ZNF461: variants seen among roughly 807,000 people sequenced by gnomAD.
ZNF461 encodes the protein zinc finger protein 461.
A neutral mutation model predicts 18.3 loss-of-function variants in ZNF461; 16 were observed. That is an observed-to-expected ratio of 0.88 (90% confidence interval 0.59 to 1.33). The LOEUF (loss-of-function observed/expected upper bound fraction) is 1.33. Ranked by LOEUF, ZNF461 falls within the 40% of genes most tolerant of loss-of-function variation. The pLI is 0.00. For synonymous variants in ZNF461, 179 were observed against 216.9 expected (o/e 0.83, Z 1.54); for missense variants, 595 against 669.9 (o/e 0.89, Z 1.23).
chr19:36,639,845 AT>A lies in ZNF461; in HGVS notation c.499del (p.Ile167LeufsTer98). 1 of 1,613,934 alleles carries A rather than the reference AT, an allele frequency of 6.2e-7. No individual in the cohort carries two copies. Among genetic ancestry groups the A allele is most frequent in the Non-Finnish European group, 8.5e-7 (1 of 1,179,862 alleles). ...QEEGYFRQLM[I>X]NHENMPIFSQ... ...AAAAATGGGCATGTTTTCATGGTTA[AT>A]CATAAGTTGTCTAAAATAACCCTCC... On this transcript the variant is annotated frameshift_variant, in exon 6 of 6. Coordinates refer to ENST00000588268, the MANE Select transcript of ZNF461 (RefSeq NM_153257.5). LOFTEE classifies it low-confidence loss of function (END_TRUNC).
chr19:36,644,299 C>G (rs186140216), intron 4 of ZNF461, among the ~76,000 whole-genome samples: 28 of 151,664 alleles, frequency 1.8e-4, no homozygotes, highest in African/African-American at 6.5e-4. Context: ...GATGGAGTCT[C>G]GCTCTGTCCC....
At chr19:36,658,663 T>G in intron 2 of ZNF461, 1 of 368,316 alleles carries the variant, frequency 2.7e-6, no homozygotes, top group Non-Finnish European at 4.8e-6. Flanking sequence ...CTCCTGTTAA[T>G]CAGTCATCTC....
chr19:36,641,200 T>C (rs1296827508), intron 5 of ZNF461, among the ~76,000 whole-genome samples: 2 of 152,160 alleles, frequency 1.3e-5, no homozygotes, highest in Non-Finnish European at 2.9e-5. Context: ...GAAGTACTAC[T>C]GGAATTACAT....
Position 36,639,434 on chromosome 19 carries a change from T to G in ZNF461, c.911A>C (p.Lys304Thr), listed in dbSNP as rs1011072114. ...IHTGEKPYEC[K>T]ECGKAFRQRS... is the part of the protein sequence containing the mutation. ...CTGTCTAAAGGCCTTCCCACATTCT[T>G]TACATTCATAAGGTTTCTCACCAGT... is the stretch of plus-strand genomic sequence containing the variant. The change falls in exon 6 of 6, where the codon AAA becomes ACA. Residue 304 changes from lysine (K) to threonine (T), a missense_variant. Coordinates refer to ENST00000588268, the MANE Select transcript of ZNF461 (RefSeq NM_153257.5). The G allele has an allele frequency of 1.9e-6, 3 of 1,614,012 alleles. No homozygotes were observed. The highest frequency in any genetic ancestry group is 1.6e-4 in the Middle Eastern group (1 of 6,062).
intron 1 of ZNF461, among the ~76,000 whole-genome samples, chr19:36,666,383 C>G (rs1042794603): frequency 1.3e-5 from 2 of 152,020 alleles, no homozygotes; most frequent in Non-Finnish European, 2.9e-5. Context: ...GGTGAGCCAC[C>G]GCTCCCGGCC....
chr19:36,637,187 G>A lies in ZNF461; in HGVS notation c.*1466C>T, dbSNP rs1457493078. 3 of 151,736 alleles carry A rather than the reference G, an allele frequency of 2.0e-5. No individual in the cohort carries two copies. Among genetic ancestry groups the A allele is most frequent in the Non-Finnish European group, 4.4e-5 (3 of 67,976 alleles). 9.4% of individuals were successfully genotyped at this position (151,736 alleles called of 1,614,324 possible). On this transcript the variant is annotated 3_prime_UTR_variant, in exon 6 of 6. Transcript: ENST00000588268. ...TAACATTATCTATTGGTTGTGTTTT[G>A]ACAATTTTCTTTTTTTTTTTTCTTT...
At chr19:36,650,579 T>C (rs1027488945) in intron 4 of ZNF461, among the ~76,000 whole-genome samples, 1 of 152,122 alleles carries the variant, frequency 6.6e-6, no homozygotes, top group African/African-American at 2.4e-5. Flanking sequence ...CAACTCACTT[T>C]ATAAGGCCAG....
chr19:36,662,121 A>G (rs1468137708), intron 2 of ZNF461, among the ~76,000 whole-genome samples: 1 of 152,124 alleles, frequency 6.6e-6, no homozygotes, highest in Non-Finnish European at 1.5e-5. Context: ...CGCCCGCTTC[A>G]GCCTCCCAAA....
At chr19:36,650,628 CA>C (rs1487725563) in intron 4 of ZNF461, among the ~76,000 whole-genome samples, 1 of 151,846 alleles carries the variant, frequency 6.6e-6, no homozygotes, top group African/African-American at 2.4e-5. Flanking sequence ...GGTGACACAA[CA>C]AAGAAAATAC....
intron 5 of ZNF461, 95 bp from the exon 6 acceptor site, chr19:36,640,138 A>G (rs2037399309): frequency 9.2e-6 from 10 of 1,087,502 alleles, no homozygotes; most frequent in Non-Finnish European, 1.3e-5. Context: ...CAAATAATTC[A>G]TATAAGAAAT....
At chr19:36,650,515 A>G (rs1008119759) in intron 4 of ZNF461, among the ~76,000 whole-genome samples, 2 of 152,172 alleles carry the variant, frequency 1.3e-5, no homozygotes, top group African/African-American at 4.8e-5. Flanking sequence ...CTAAACATTC[A>G]TGTGATGTTT....
intron 2 of ZNF461, 158 bp from the exon 3 acceptor site, chr19:36,658,583 G>C: frequency 1.5e-6 from 1 of 652,298 alleles, no homozygotes; most frequent in Non-Finnish European, 2.6e-6. Context: ...TAGTGTGACT[G>C]AAGCGGAGTG....
At chr19:36,660,148 CT>C (rs35264079) in intron 2 of ZNF461, among the ~76,000 whole-genome samples, 1,318 of 118,524 alleles carry the variant, frequency 0.011, 16 homozygotes, top group African/African-American at 0.035. Flanking sequence ...TCTCTAAAAT[CT>C]TTTTTTTTTT....
intron 4 of ZNF461, among the ~76,000 whole-genome samples, chr19:36,650,865 A>AC (rs34590197): frequency 1.9e-4 from 4 of 21,616 alleles, no homozygotes; most frequent in Non-Finnish European, 7.4e-5. Context: ...CATTCATATT[A>AC]AAAAAAAAAA....
chr19:36,663,148 G>A (rs1425172427), intron 2 of ZNF461, among the ~76,000 whole-genome samples: 1 of 152,146 alleles, frequency 6.6e-6, no homozygotes, highest in Non-Finnish European at 1.5e-5. Context: ...TTAATTCTGT[G>A]ATGTGGCCTG....
At chr19:36,665,785 A>T (rs1600455000) in intron 1 of ZNF461, among the ~76,000 whole-genome samples, 1 of 151,566 alleles carries the variant, frequency 6.6e-6, no homozygotes. Flanking sequence ...AATCAAACAC[A>T]TAGGTACATA....
Position 36,637,045 on chromosome 19 carries a change from T to C in ZNF461, c.*1608A>G, listed in dbSNP as rs1164928358. On this transcript the variant is annotated 3_prime_UTR_variant, in exon 6 of 6. Coordinates refer to ENST00000588268, the MANE Select transcript of ZNF461 (RefSeq NM_153257.5). Reference sequence around the variant, plus strand: ...TTTCCACAACTTATTGTCCCATATTTTTATGGCCAGTTTATGCAGGCACTC... The same window carrying C: ...TTTCCACAACTTATTGTCCCATATTCTTATGGCCAGTTTATGCAGGCACTC... 6.6e-6 allele frequency: 1 copy of C among 152,184 alleles called. No homozygotes were observed. The highest frequency in any genetic ancestry group is 1.5e-5 in the Non-Finnish European group (1 of 68,036). 9.4% of individuals were successfully genotyped at this position (152,184 alleles called of 1,614,324 possible). A position where few individuals can be genotyped will look rare whatever the true frequency, so the allele number is the denominator to read the frequency against.
At position 36,643,829 on chromosome 19, in the gene ZNF461, A is replaced by C. The variant is rs1192806591; in HGVS notation, c.266T>G (p.Phe89Cys). Residue 89 changes from phenylalanine to cysteine, a missense_variant, in exon 5 of 6, where the codon TTC (phenylalanine) becomes TGC (cysteine). Transcript: ENST00000588268. Reference sequence around the variant, plus strand: ...GTCTGTAGCCTCATTATTGTCCAAGAAATTATTGTGAAATCCCCAAGTTTT... The same window carrying C: ...GTCTGTAGCCTCATTATTGTCCAAGCAATTATTGTGAAATCCCCAAGTTTT... ...TWKTWGFHNN[F>C]LDNNEATDIN... 2 of 1,541,046 alleles carry C rather than the reference A, an allele frequency of 1.3e-6. No individual in the cohort carries two copies. The highest frequency in any genetic ancestry group is 8.8e-7 in the Non-Finnish European group (1 of 1,141,482).
Position 36,639,485 on chromosome 19 carries a change from T to G in ZNF461, c.860A>C (p.Glu287Ala), listed in dbSNP as rs759059603. Residue 287 changes from glutamate (E) to alanine (A), a missense_variant, in exon 6 of 6, where the codon GAA becomes GCA. Transcript: ENST00000588268. ...GTGAATTCTTTGATGTAGAGTAAGTTCTGAGCCATAATTAAAGGCCTTCCC... is the reference window on the plus strand; with the variant it reads ...GTGAATTCTTTGATGTAGAGTAAGTGCTGAGCCATAATTAAAGGCCTTCCC... ...ECGKAFNYGSELTLHQRIHTG... is the reference protein window; with the variant it reads ...ECGKAFNYGSALTLHQRIHTG... 8.1e-6 allele frequency: 13 copies of G among 1,613,298 alleles called. No homozygotes were observed. The South Asian group carries it at 1.3e-4, about 16-fold the overall frequency.
Sources: gnomAD v4.1 joint callset for allele counts (sites outside exome capture counted in the v4.1 genomes callset) on GRCh38, gnomAD v4.1.1 for gene constraint, MANE v1.5 for transcripts, NCBI Gene and HGNC (gene_info 2026-07-23, HGNC 2026-07-21) for gene names.